Variants in TNFAIP6 observed in about 807,000 individuals in gnomAD.
TNFAIP6 encodes the protein TNF alpha induced protein 6, also known as tumor necrosis factor-inducible gene 6 protein.
In TNFAIP6, 36 loss-of-function variants were observed where a neutral mutation model predicts 33.7. The observed-to-expected ratio is 1.07, with a 90% CI of 0.82 to 1.41. The LOEUF is 1.41. Among genes scored for constraint, TNFAIP6 ranks in the 40% most tolerant of loss-of-function variants. The pLI, the probability that TNFAIP6 is intolerant of heterozygous loss-of-function variation, is 0.00. For missense variants in TNFAIP6, 273 were observed against 331.9 expected (o/e 0.82, Z 1.38); for synonymous variants, 113 against 112.8 (o/e 1.00, Z -0.01).
intron 5 of TNFAIP6, among the ~76,000 whole-genome samples, chr2:151,378,038 A>G (rs1438700057): frequency 6.6e-6 from 1 of 152,166 alleles, no homozygotes; most frequent in African/African-American, 2.4e-5. Flanking sequence ...GAGTTAATAG[A>G]TAAAAGCAAG....
rs752691313 is a variant in TNFAIP6, at chr2:151,370,075, C to T, written c.450C>T (p.Gly150=). ...TDPKQIFKSP[G]FPNEYEDNQI... ...CAAAGCAAATTTTTAAATCTCCAGG[C>T]TTCCCAAATGAGTACGAAGATAACC... Residue 150 remains glycine (G), a synonymous_variant, in exon 4 of 6, where the codon GGC becomes GGT. Coordinates refer to ENST00000243347, the MANE Select transcript of TNFAIP6 (RefSeq NM_007115.4). 5.0e-6 allele frequency: 8 copies of T among 1,614,064 alleles called. No individual in the cohort carries two copies. Among genetic ancestry groups the T allele is most frequent in the African/African-American group, 1.3e-5 (1 of 75,034 alleles).
chr2:151,368,840 A>G (rs969755177), intron 3 of TNFAIP6, among the ~76,000 whole-genome samples: 1 of 152,182 alleles, frequency 6.6e-6, no homozygotes, highest in African/African-American at 2.4e-5. Context: ...CCACAGGGCA[A>G]AGTCCCTACC....
intron 3 of TNFAIP6, among the ~76,000 whole-genome samples, chr2:151,368,711 A>G (rs932476662): frequency 1.3e-5 from 2 of 152,006 alleles, no homozygotes; most frequent in African/African-American, 4.8e-5. Flanking sequence ...ATTCCTTTTA[A>G]GTGGATTAGA....
In TNFAIP6 at chr2:151,379,930, A is replaced by T. The variant is rs1226023827; in HGVS notation, c.*397A>T. On this transcript the variant is annotated 3_prime_UTR_variant, in exon 6 of 6. Transcript: ENST00000243347. ...ATTATTCTACAAAAACATGATTTTAAACAGCTGTAAAATATTCTATGATAT... is the reference window on the plus strand; with the variant it reads ...ATTATTCTACAAAAACATGATTTTATACAGCTGTAAAATATTCTATGATAT... 1 of 152,612 alleles carries T rather than the reference A, an allele frequency of 6.6e-6. No homozygotes were observed. Among genetic ancestry groups the T allele is most frequent in the Non-Finnish European group, 1.5e-5 (1 of 68,346 alleles). 9.5% of individuals were successfully genotyped at this position (152,612 alleles called of 1,614,324 possible).
At position 151,378,888 on chromosome 2, in the gene TNFAIP6, G is replaced by A. The variant is rs180757080; in HGVS notation, c.665-476G>A. Among the ~76,000 whole-genome samples the A allele has an allele frequency of 3.5e-3, 534 of 151,716 alleles. 4 individuals carry two copies. Among genetic ancestry groups the A allele is most frequent in the African/African-American group, 0.012 (478 of 41,444 alleles). ...CGAGGTGCGTGGACCACCTGAGGTC[G>A]GGAGTTTGAGACCAGCCTGGCCAAC... On this transcript the variant is annotated intron_variant, in intron 5 of 5. Transcript: ENST00000243347.
chr2:151,366,402 A>C (rs1345579702), intron 3 of TNFAIP6, among the ~76,000 whole-genome samples, 185 bp downstream of exon 3: 1 of 152,160 alleles, frequency 6.6e-6, no homozygotes, highest in Non-Finnish European at 1.5e-5. Flanking sequence ...CTTCGTCTAC[A>C]CTCTAACTTA....
At chr2:151,371,030 C>G (rs996547346) in intron 4 of TNFAIP6, among the ~76,000 whole-genome samples, 1 of 151,542 alleles carries the variant, frequency 6.6e-6, no homozygotes, top group Non-Finnish European at 1.5e-5. Context: ...AAGACTGCAC[C>G]ACTGCACTCT....
chr2:151,381,290 G>A (rs1685006478), downstream of TNFAIP6, among the ~76,000 whole-genome samples: 1 of 152,002 alleles, frequency 6.6e-6, no homozygotes. Flanking sequence ...GGGCAACATA[G>A]CAAGACCTCA....
chr2:151,375,848 C>T (rs1684897989), intron 5 of TNFAIP6, among the ~76,000 whole-genome samples: 1 of 152,208 alleles, frequency 6.6e-6, no homozygotes, highest in Non-Finnish European at 1.5e-5. Flanking sequence ...CATGGTAGCT[C>T]GTGCCTATAA....
intron 1 of TNFAIP6, among the ~76,000 whole-genome samples, chr2:151,362,679 A>G (rs938623635): frequency 2.6e-5 from 4 of 151,568 alleles, no homozygotes; most frequent in African/African-American, 9.7e-5. Flanking sequence ...TTTAATAGAG[A>G]CAGGGTTTCA....
At chr2:151,380,511 T>C (rs534698730), downstream of TNFAIP6, among the ~76,000 whole-genome samples, 13 of 152,198 alleles carry the variant, frequency 8.5e-5, no homozygotes, top group Non-Finnish European at 1.3e-4. Flanking sequence ...AAGATCTTAA[T>C]TGGCTTTTAT....
intron 3 of TNFAIP6, among the ~76,000 whole-genome samples, chr2:151,367,768 G>A (rs1335967488): frequency 6.6e-6 from 1 of 152,034 alleles, no homozygotes; most frequent in Non-Finnish European, 1.5e-5. Flanking sequence ...TTGGTGGTAT[G>A]CTGACTATTT....
intron 5 of TNFAIP6, among the ~76,000 whole-genome samples, chr2:151,376,624 G>T (rs1428034665): frequency 6.6e-6 from 1 of 152,058 alleles, no homozygotes; most frequent in Non-Finnish European, 1.5e-5. Flanking sequence ...ATATTTCCAT[G>T]TCAGAGTATG....
At position 151,373,540 on chromosome 2, in the gene TNFAIP6, C is replaced by T; in HGVS notation, c.624-9C>T. On this transcript the variant is annotated splice_polypyrimidine_tract_variant and intron_variant, in intron 4 of 5. Transcript: ENST00000243347. The stretch of plus-strand genomic sequence containing the variant: ...GTGTGACATCTCTTTTCTAAAAATT[C>T]CTTTTCAGATACTGTGGAGATGAGC... 4 of 1,528,650 alleles carry T rather than the reference C, an allele frequency of 2.6e-6. No homozygotes were observed. The Admixed American group carries it at 5.7e-5, about 22-fold the overall frequency. 94.7% of individuals were successfully genotyped at this position (1,528,650 alleles called of 1,614,324 possible). A position where few individuals can be genotyped will look rare whatever the true frequency, so the allele number is the denominator to read the frequency against.
At chr2:151,360,502 C>T (rs1187340988) in intron 1 of TNFAIP6, among the ~76,000 whole-genome samples, 4 of 152,106 alleles carry the variant, frequency 2.6e-5, no homozygotes, top group Non-Finnish European at 5.9e-5. Context: ...AACAAATTTT[C>T]AGTTTTAATA....
At chr2:151,367,344 T>C (rs1405575267) in intron 3 of TNFAIP6, among the ~76,000 whole-genome samples, 1 of 152,196 alleles carries the variant, frequency 6.6e-6, no homozygotes, top group Non-Finnish European at 1.5e-5. Context: ...AGTCCTATAC[T>C]ATACAGTACT....
intron 5 of TNFAIP6, among the ~76,000 whole-genome samples, chr2:151,376,520 C>A (rs1684909811): frequency 6.6e-6 from 1 of 152,068 alleles, no homozygotes; most frequent in Non-Finnish European, 1.5e-5. Flanking sequence ...CTCCTCACCT[C>A]TCCATCCCAG....
At chr2:151,377,295 A>G (rs1657300520) in intron 5 of TNFAIP6, among the ~76,000 whole-genome samples, 1 of 151,588 alleles carries the variant, frequency 6.6e-6, no homozygotes, top group Non-Finnish European at 1.5e-5. Context: ...TCAGCCTCCC[A>G]AGTAGCTGGG....
intron 5 of TNFAIP6, among the ~76,000 whole-genome samples, chr2:151,379,118 A>G (rs960400673): frequency 6.6e-6 from 1 of 152,100 alleles, no homozygotes; most frequent in African/African-American, 2.4e-5. Context: ...ATAAATAAAT[A>G]AATACAATAG....
Sources: gnomAD v4.1 joint callset for allele counts (sites outside exome capture counted in the v4.1 genomes callset) on GRCh38, gnomAD v4.1.1 for gene constraint, MANE v1.5 for transcripts, NCBI Gene and HGNC (gene_info 2026-07-23, HGNC 2026-07-21) for gene names.